The following KMT2E variants were observed in gnomAD, a reference collection of about 807,000 sequenced individuals.
KMT2E encodes lysine methyltransferase 2E (inactive).
KMT2E carries 30 observed loss-of-function variants against 184.6 expected under a neutral mutation model. The ratio of observed to expected loss-of-function variants is 0.16; its 90% confidence interval spans 0.12 to 0.22. The LOEUF is 0.22. Among genes scored for constraint, KMT2E ranks in the 10% least tolerant of loss-of-function variants. KMT2E has a pLI of 1.00. For synonymous variants in KMT2E, 815 were observed against 776.5 expected (o/e 1.05, Z -0.82); for missense variants, 2,023 against 2,237.4 (o/e 0.90, Z 1.93).
In KMT2E at chr7:105,113,454, C is replaced by CT; in HGVS notation, c.*124dup. 6.4e-6 allele frequency: 7 copies of CT among 1,092,026 alleles called. No individual in the cohort carries two copies. Among genetic ancestry groups the CT allele is most frequent in the Non-Finnish European group, 8.8e-6 (7 of 798,018 alleles). The allele number at this position is 1,092,026 out of a possible 1,614,324, so 67.6% of individuals were successfully genotyped here. A position where few individuals can be genotyped will look rare whatever the true frequency, so the allele number is the denominator to read the frequency against. On this transcript the variant is annotated 3_prime_UTR_variant, in exon 27 of 27. Coordinates refer to ENST00000311117, the MANE Select transcript of KMT2E (RefSeq NM_182931.3). ...CCTTTGTATAAAAAACACCAGTGCTCTTTCGTTGTATTTTTCTCATTTTTG... is the reference window on the plus strand; with the variant it reads ...CCTTTGTATAAAAAACACCAGTGCTCTTTTCGTTGTATTTTTCTCATTTTTG...
At chr7:105,017,405 T>TGGTGGTG (rs1794759240) in intron 1 of KMT2E, among the ~76,000 whole-genome samples, 1 of 151,392 alleles carries the variant, frequency 6.6e-6, no homozygotes, top group Admixed American at 6.6e-5. Flanking sequence ...TTTTTGGTGG[T>TGGTGGTG]GGTGGTGGGT....
Position 105,051,089 on chromosome 7 carries a change from CTTT to C in KMT2E, c.71+10070_71+10072del, listed in dbSNP as rs200244677. 3.3e-3 allele frequency among the ~76,000 whole-genome samples: 449 copies of C among 137,454 alleles called. 15 individuals are homozygous for C. The East Asian group carries it at 0.067, about 20-fold the overall frequency. 90.2% of individuals were successfully genotyped at this position (137,454 alleles called of 152,430 possible). A position where few individuals can be genotyped will look rare whatever the true frequency, so the allele number is the denominator to read the frequency against. On this transcript the variant is annotated intron_variant, in intron 3 of 26. Transcript: ENST00000311117. ...TTTCTTTCTTTCTTCTTCTTTCTTTCTTTTTTCTCTCTCTCTCTCTTTCTTCCT... is the reference window on the plus strand; with the variant it reads ...TTTCTTTCTTTCTTCTTCTTTCTTTCTTTCTCTCTCTCTCTCTTTCTTCCT...
chr7:105,017,027 C>T (rs1794743373), intron 1 of KMT2E, among the ~76,000 whole-genome samples: 1 of 152,092 alleles, frequency 6.6e-6, no homozygotes, highest in Non-Finnish European at 1.5e-5. Flanking sequence ...GGGGTCAGTA[C>T]TCATTTGTAT....
chr7:105,031,537 A>AG (rs1397303526), intron 1 of KMT2E, among the ~76,000 whole-genome samples: 1 of 151,846 alleles, frequency 6.6e-6, no homozygotes, highest in Admixed American at 6.6e-5. Flanking sequence ...AGATCACTTG[A>AG]GGTCAGGAGT....
At chr7:105,053,796 C>G (rs1452360716) in intron 3 of KMT2E, among the ~76,000 whole-genome samples, 5 of 152,104 alleles carry the variant, frequency 3.3e-5, no homozygotes, top group Admixed American at 3.3e-4. Flanking sequence ...ATCACTCAAG[C>G]CCCGGGAGTT....
rs1241915531 is a variant in KMT2E at position 105,106,620 on chromosome 7, A to C, written c.2695A>C (p.Thr899Pro). ...TACTCCTTCCCCGTATGCTACACCA[A>C]CTCACACCGATATTACTCCTATGGA... Reference protein sequence around the residue: ...TPTPSPYATPTHTDITPMDPS... With the variant: ...TPTPSPYATPPHTDITPMDPS... The change falls in exon 20 of 27, where the codon ACT becomes CCT. Residue 899 changes from threonine to proline, a missense_variant. By Grantham distance (38) the Thr-to-Pro change is conservative. Coordinates refer to ENST00000311117, the MANE Select transcript of KMT2E (RefSeq NM_182931.3). The C allele has an allele frequency of 1.2e-6, 2 of 1,613,994 alleles. No homozygotes were observed. The highest frequency in any genetic ancestry group is 1.7e-6 in the Non-Finnish European group (2 of 1,179,920).
At chr7:105,037,093 A>G (rs1795691762) in intron 1 of KMT2E, among the ~76,000 whole-genome samples, 1 of 152,136 alleles carries the variant, frequency 6.6e-6, no homozygotes, top group Non-Finnish European at 1.5e-5. Context: ...AAGTTTCTTT[A>G]ATTATTTCCA....
chr7:105,063,333 T>G lies in KMT2E; in HGVS notation c.187-18T>G. 3.3e-6 allele frequency: 5 copies of G among 1,512,798 alleles called. No homozygotes were observed. The highest frequency in any genetic ancestry group is 3.6e-6 in the Non-Finnish European group (4 of 1,105,746). 93.7% of individuals were successfully genotyped at this position (1,512,798 alleles called of 1,614,324 possible). On this transcript the variant is annotated intron_variant, in intron 4 of 26. Coordinates refer to ENST00000311117, the MANE Select transcript of KMT2E (RefSeq NM_182931.3). Reference sequence around the variant, plus strand: ...GAAATTAAATAATATTGTGCTATATTTGTGTTTAATTATTCAGGACCATAA... The same window carrying G: ...GAAATTAAATAATATTGTGCTATATGTGTGTTTAATTATTCAGGACCATAA...
intron 13 of KMT2E, among the ~76,000 whole-genome samples, chr7:105,082,903 T>A (rs369753086): frequency 6.6e-6 from 1 of 152,214 alleles, no homozygotes; most frequent in East Asian, 1.9e-4. Flanking sequence ...GCACTGCTTT[T>A]TCTACATCTT....
At chr7:105,023,718 T>C (rs2129564145) in intron 1 of KMT2E, among the ~76,000 whole-genome samples, 1 of 152,308 alleles carries the variant, frequency 6.6e-6, no homozygotes, top group Non-Finnish European at 1.5e-5. Context: ...GTGCTGGGAT[T>C]ACAGGCTTGA....
At chr7:105,023,596 C>A (rs1157149367) in intron 1 of KMT2E, among the ~76,000 whole-genome samples, 1 of 151,584 alleles carries the variant, frequency 6.6e-6, no homozygotes, top group Admixed American at 6.6e-5. Flanking sequence ...AGGTGCCCAC[C>A]AGCAGGCCTG....
chr7:105,043,308 C>T (rs1480678237), intron 3 of KMT2E, among the ~76,000 whole-genome samples: 1 of 148,872 alleles, frequency 6.7e-6, no homozygotes, highest in Non-Finnish European at 1.5e-5. Context: ...GGGATCTCGG[C>T]TCACTGCAAG....
intron 3 of KMT2E, among the ~76,000 whole-genome samples, chr7:105,050,662 CTTTTTTCT>C (rs905444320): frequency 7.2e-5 from 10 of 139,052 alleles, no homozygotes; most frequent in African/African-American, 2.6e-4. Flanking sequence ...TTCTTTCTTT[CTTTTTTCT>C]TTCTTTCTTT....
At chr7:105,103,978 TAC>T (rs2129569656) in intron 17 of KMT2E, 2 of 151,880 alleles carry the variant, frequency 1.3e-5, no homozygotes, top group East Asian at 3.9e-4. Context: ...AAGCGCGCAC[TAC>T]CAAAACCAGC....
chr7:105,105,370 G>A lies in KMT2E; in HGVS notation c.2197-69G>A, dbSNP rs917707964. 50 of 1,166,220 alleles carry A rather than the reference G, an allele frequency of 4.3e-5. No homozygotes were observed. In the African/African-American group the frequency reaches 7.5e-4, roughly 17 times the overall value. The allele number at this position is 1,166,220 out of a possible 1,614,324, so 72.2% of individuals were successfully genotyped here. A position where few individuals can be genotyped will look rare whatever the true frequency, so the allele number is the denominator to read the frequency against. ...TAGATAATACACCAATTTCAAATCTGGTATTAGAATATTCAAGGGAGAATT... is the reference window on the plus strand; with the variant it reads ...TAGATAATACACCAATTTCAAATCTAGTATTAGAATATTCAAGGGAGAATT... On this transcript the variant is annotated intron_variant, in intron 17 of 26. Coordinates refer to ENST00000311117, the MANE Select transcript of KMT2E (RefSeq NM_182931.3).
At chr7:105,106,837 TCTTTCCCCTCCTTTAACAA>T (rs1030690382) in intron 20 of KMT2E, 65 bp downstream of exon 20, 30 of 1,499,714 alleles carry the variant, frequency 2.0e-5, no homozygotes, top group Non-Finnish European at 2.7e-5. Flanking sequence ...TTTTAAGAGC[TCTTTCCCCTCCTTTAACAA>T]CTAGTGTGCT....
chr7:105,054,818 A>C, intron 3 of KMT2E, among the ~76,000 whole-genome samples: 1 of 152,034 alleles, frequency 6.6e-6, no homozygotes, highest in East Asian at 1.9e-4. Context: ...CCCAGCCCGC[A>C]AGTTGCACAT....
At chr7:105,036,167 T>G (rs1382814219) in intron 1 of KMT2E, among the ~76,000 whole-genome samples, 1 of 151,540 alleles carries the variant, frequency 6.6e-6, no homozygotes, top group Non-Finnish European at 1.5e-5. Flanking sequence ...GTTGTTGTTG[T>G]TCTTTTGGTT....
chr7:105,101,389 A>G, intron 15 of KMT2E, 36 bp from the exon 16 acceptor site: 1 of 1,400,340 alleles, frequency 7.1e-7, no homozygotes, highest in Non-Finnish European at 9.5e-7. Flanking sequence ...TTGAGCATTG[A>G]TATTTATGAT....
Sources: gnomAD v4.1 joint callset for allele counts (sites outside exome capture counted in the v4.1 genomes callset) on GRCh38, gnomAD v4.1.1 for gene constraint, MANE v1.5 for transcripts, NCBI Gene and HGNC (gene_info 2026-07-23, HGNC 2026-07-21) for gene names.